DNM3: variants seen among roughly 807,000 people sequenced by gnomAD.
DNM3 encodes the protein dynamin 3.
DNM3 carries 47 observed loss-of-function variants against 101.6 expected under a neutral mutation model. The observed-to-expected ratio is 0.46, with a 90% CI of 0.37 to 0.59. DNM3 has a LOEUF of 0.59. Ranked by LOEUF, DNM3 falls within the 20% of genes least tolerant of loss-of-function variation. DNM3 has a pLI of 0.00. For synonymous variants in DNM3, 385 were observed against 387.9 expected, an observed-to-expected ratio of 0.99 and a Z score of 0.09; for missense variants, 849 against 1,085.7, an observed-to-expected ratio of 0.78 and a Z score of 3.06.
chr1:172,315,132 G>T (rs1211716395), intron 16 of DNM3, among the ~76,000 whole-genome samples: 1 of 152,214 alleles, frequency 6.6e-6, no homozygotes, highest in East Asian at 1.9e-4. Flanking sequence ...GGCAAACAGG[G>T]TCTGGAGTGG....
intron 13 of DNM3, among the ~76,000 whole-genome samples, chr1:172,110,063 A>C (rs1457759455): frequency 1.3e-5 from 2 of 152,222 alleles, no homozygotes; most frequent in Non-Finnish European, 2.9e-5. Flanking sequence ...TCAACCATTC[A>C]GAAATACTCC....
rs144596071 is a variant in DNM3, at chr1:171,849,165, T to C, written c.161+7348T>C. Among the ~76,000 whole-genome samples the C allele has an allele frequency of 6.0e-3, 914 of 152,334 alleles. 10 individuals carry two copies. Among genetic ancestry groups the C allele is most frequent in the African/African-American group, 0.021 (863 of 41,570 alleles). ...GGGTGACTAAACTTGTTTATGGTGCTTATTTTTTTAGATTTCTCAAAAGTG... is the reference window on the plus strand; with the variant it reads ...GGGTGACTAAACTTGTTTATGGTGCCTATTTTTTTAGATTTCTCAAAAGTG... On this transcript the variant is annotated intron_variant, in intron 1 of 20. Transcript: ENST00000627582.
At chr1:172,133,491 A>G in intron 14 of DNM3, 2 of 908,334 alleles carry the variant, frequency 2.2e-6, no homozygotes, top group Non-Finnish European at 2.6e-6. Context: ...GACCCTTGAA[A>G]TAAATGGAAT....
At chr1:172,289,854 A>G (rs1460380612) in intron 15 of DNM3, 5 of 980,614 alleles carry the variant, frequency 5.1e-6, no homozygotes, top group Non-Finnish European at 6.1e-6. Context: ...GTTCTTTCCT[A>G]TTTAACTTTT....
At chr1:172,243,972 G>A (rs61807807) in intron 14 of DNM3, among the ~76,000 whole-genome samples, 11,547 of 151,906 alleles carry the variant, frequency 0.076, 561 homozygotes, top group South Asian at 0.17. Flanking sequence ...CCACTAACTC[G>A]TCATCTAGCA....
At chr1:172,161,645 G>A (rs2058550297) in intron 14 of DNM3, among the ~76,000 whole-genome samples, 2 of 152,144 alleles carry the variant, frequency 1.3e-5, no homozygotes, top group African/African-American at 4.8e-5. Context: ...AATGTAATTG[G>A]TGGGGGCCTG....
At chr1:172,239,798 C>CTTTT (rs369238528) in intron 14 of DNM3, among the ~76,000 whole-genome samples, 4,851 of 106,544 alleles carry the variant, frequency 0.046, 511 homozygotes, top group South Asian at 0.065. Flanking sequence ...CTTTTTTTTT[C>CTTTT]TCTTTTTTTT....
At chr1:172,010,564 G>A (rs1487986861) in intron 4 of DNM3, among the ~76,000 whole-genome samples, 1 of 138,800 alleles carries the variant, frequency 7.2e-6, no homozygotes, top group Non-Finnish European at 1.6e-5. Flanking sequence ...ACTGTTATTA[G>A]TATCTCTTTG....
rs192278478 is a variant in DNM3 at position 172,393,741 on chromosome 1, T to C, written c.2522+4932T>C. On this transcript the variant is annotated intron_variant, in intron 20 of 20. Coordinates refer to ENST00000627582, the MANE Select transcript of DNM3 (RefSeq NM_015569.5). ...AAAAAACAAATACATAAATTTATCA[T>C]TGGGCATTGTGATTTTTCATGGAAC... The C allele has an allele frequency of 1.8e-4, 28 of 152,780 alleles. No individual in the cohort carries two copies. The East Asian group carries it at 4.2e-3, about 23-fold the overall frequency. 9.5% of individuals were successfully genotyped at this position (152,780 alleles called of 1,614,324 possible). A position where few individuals can be genotyped will look rare whatever the true frequency, so the allele number is the denominator to read the frequency against.
chr1:171,987,827 CA>C, intron 3 of DNM3, 22 bp downstream of exon 3: 2 of 1,525,808 alleles, frequency 1.3e-6, no homozygotes, highest in Non-Finnish European at 1.8e-6. Context: ...AATAAAATTC[CA>C]AATTCTTCTC....
intron 15 of DNM3, among the ~76,000 whole-genome samples, chr1:172,297,217 ATTC>A (rs1261827383): frequency 6.6e-6 from 1 of 151,556 alleles, no homozygotes; most frequent in African/African-American, 2.4e-5. Context: ...GGATTTTTCA[ATTC>A]TTCTTGAGTT....
intron 15 of DNM3, among the ~76,000 whole-genome samples, chr1:172,299,561 A>G (rs2064336024): frequency 6.6e-6 from 1 of 151,878 alleles, no homozygotes; most frequent in African/African-American, 2.4e-5. Flanking sequence ...AGTAATCCCC[A>G]GTGTCTATTG....
At chr1:172,207,916 A>G (rs886596059) in intron 14 of DNM3, among the ~76,000 whole-genome samples, 1 of 152,116 alleles carries the variant, frequency 6.6e-6, no homozygotes, top group African/African-American at 2.4e-5. Context: ...AGAGAATACA[A>G]AGAAAGTGTG....
intron 10 of DNM3, 21 bp from the exon 11 acceptor site, chr1:172,068,798 C>A: frequency 1.3e-6 from 2 of 1,551,530 alleles, no homozygotes; most frequent in Non-Finnish European, 1.7e-6. Flanking sequence ...TATTAATACT[C>A]AGATCTGCTT....
chr1:172,398,769 GT>G (rs2070228423), intron 20 of DNM3, among the ~76,000 whole-genome samples: 1 of 152,132 alleles, frequency 6.6e-6, no homozygotes, highest in Non-Finnish European at 1.5e-5. Context: ...AAGACATATG[GT>G]TTTCATAGAT....
intron 20 of DNM3, among the ~76,000 whole-genome samples, chr1:172,395,333 G>C (rs891978847): frequency 6.6e-6 from 1 of 152,002 alleles, no homozygotes; most frequent in African/African-American, 2.4e-5. Context: ...ACCACATCCA[G>C]CTAATTTTTG....
Position 172,311,878 on chromosome 1 carries a change from T to C in DNM3, c.1881+3039T>C, listed in dbSNP as rs185175399. On this transcript the variant is annotated intron_variant, in intron 16 of 20. Coordinates refer to ENST00000627582, the MANE Select transcript of DNM3 (RefSeq NM_015569.5). The stretch of plus-strand genomic sequence containing the variant: ...TCAAGACAAACGAATTTTTAGTACA[T>C]ACCGAAGGCAACACAGGAAATTAAA... Among the ~76,000 whole-genome samples, 273 of 152,346 alleles carry C rather than the reference T, an allele frequency of 1.8e-3. 3 individuals are homozygous for C. The highest frequency in any genetic ancestry group is 6.3e-3 in the African/African-American group (264 of 41,586).
intron 19 of DNM3, among the ~76,000 whole-genome samples, chr1:172,387,926 A>G (rs1338890331): frequency 6.6e-6 from 1 of 151,978 alleles, no homozygotes; most frequent in Non-Finnish European, 1.5e-5. Context: ...AGTTAACGGG[A>G]AGCTTTAAAA....
At chr1:172,036,060 T>C (rs1176509318) in intron 6 of DNM3, among the ~76,000 whole-genome samples, 1 of 150,520 alleles carries the variant, frequency 6.6e-6, no homozygotes, top group Non-Finnish European at 1.5e-5. Context: ...AATCTGCAGG[T>C]TAGTTACATA....
Sources: gnomAD v4.1 joint callset for allele counts (sites outside exome capture counted in the v4.1 genomes callset) on GRCh38, gnomAD v4.1.1 for gene constraint, MANE v1.5 for transcripts, NCBI Gene and HGNC (gene_info 2026-07-23, HGNC 2026-07-21) for gene names.